The following PALLD variants were observed in gnomAD, a reference collection of about 807,000 sequenced individuals.
PALLD encodes palladin.
A neutral mutation model predicts 123.5 loss-of-function variants in PALLD; 61 were observed. The ratio of observed to expected loss-of-function variants is 0.49; its 90% confidence interval spans 0.40 to 0.61. PALLD has a LOEUF of 0.61. PALLD is among the 20% of genes least tolerant of loss of function. The pLI, the probability that PALLD is intolerant of heterozygous loss-of-function variation, is 0.00. For synonymous variants in PALLD, 465 were observed against 496.4 expected, an observed-to-expected ratio of 0.94 and a Z score of 0.84; for missense variants, 1,273 against 1,377.0, an observed-to-expected ratio of 0.92 and a Z score of 1.20.
intron 2 of PALLD, among the ~76,000 whole-genome samples, chr4:168,621,414 C>T (rs559945406): frequency 1.3e-5 from 2 of 152,300 alleles, no homozygotes; most frequent in South Asian, 4.1e-4. Flanking sequence ...AAATGAGGAT[C>T]TATGGAACTC....
intron 2 of PALLD, among the ~76,000 whole-genome samples, chr4:168,587,946 C>T (rs759967495): frequency 2.0e-5 from 3 of 152,050 alleles, no homozygotes; most frequent in Non-Finnish European, 2.9e-5. Flanking sequence ...GATGAGACTG[C>T]GAGGCGTGTC....
At chr4:168,604,981 C>T (rs1773025606) in intron 2 of PALLD, among the ~76,000 whole-genome samples, 1 of 152,166 alleles carries the variant, frequency 6.6e-6, no homozygotes, top group African/African-American at 2.4e-5. Flanking sequence ...AGGAAAAACG[C>T]CACAAAGCAA....
chr4:168,647,441 A>G (rs979877145), intron 2 of PALLD, among the ~76,000 whole-genome samples: 1 of 152,226 alleles, frequency 6.6e-6, no homozygotes, highest in Non-Finnish European at 1.5e-5. Flanking sequence ...AAATCATAAC[A>G]GTAGATCCCA....
rs1305250587 is a variant in PALLD, at chr4:168,877,900, G to A, written c.1965-13022G>A. The A allele has an allele frequency of 7.5e-6, 11 of 1,473,750 alleles. No individual in the cohort carries two copies. The highest frequency in any genetic ancestry group is 2.3e-5 in the Admixed American group (1 of 43,744). The allele number at this position is 1,473,750 out of a possible 1,614,324, so 91.3% of individuals were successfully genotyped here. ...CCGCGTCCCCGGAGCCCATGAGCGCGCTGGCCTCCCGCTCCGCCCCCGCCA... is the reference window on the plus strand; with the variant it reads ...CCGCGTCCCCGGAGCCCATGAGCGCACTGGCCTCCCGCTCCGCCCCCGCCA... On this transcript the variant is annotated intron_variant, in intron 10 of 21. Coordinates refer to ENST00000505667, the MANE Select transcript of PALLD (RefSeq NM_001166108.2).
At chr4:168,832,494 C>T (rs967442453) in intron 10 of PALLD, among the ~76,000 whole-genome samples, 2 of 152,202 alleles carry the variant, frequency 1.3e-5, no homozygotes, top group Non-Finnish European at 1.5e-5. Flanking sequence ...CTCTGAACAC[C>T]TCGCACCCCC....
intron 10 of PALLD, among the ~76,000 whole-genome samples, chr4:168,736,290 A>G (rs1224627445): frequency 1.3e-5 from 2 of 152,312 alleles, no homozygotes; most frequent in East Asian, 3.9e-4. Context: ...GTGTGCACAC[A>G]TACACACACA....
In PALLD at chr4:168,692,787, C is replaced by T. The variant is rs143343900; in HGVS notation, c.1501+1495C>T. On this transcript the variant is annotated intron_variant, in intron 8 of 21. Coordinates refer to ENST00000505667, the MANE Select transcript of PALLD (RefSeq NM_001166108.2). ...TGAAATAAGGCAGCTTTTGACATTG[C>T]GTTTTGGATTCGGAGTGAACTCCTG... is the stretch of plus-strand genomic sequence containing the variant. Among the ~76,000 whole-genome samples, 12 of 152,312 alleles carry T rather than the reference C, an allele frequency of 7.9e-5. No homozygotes were observed. The East Asian group carries it at 1.7e-3, about 22-fold the overall frequency.
intron 2 of PALLD, among the ~76,000 whole-genome samples, chr4:168,608,167 C>T (rs1773375174): frequency 6.6e-6 from 1 of 152,178 alleles, no homozygotes; most frequent in African/African-American, 2.4e-5. Context: ...CGCTGGCAAC[C>T]TATAAATATG....
intron 10 of PALLD, among the ~76,000 whole-genome samples, chr4:168,878,791 G>A (rs1316263866): frequency 6.6e-6 from 1 of 151,500 alleles, no homozygotes; most frequent in African/African-American, 2.4e-5. Context: ...CCCAGTTAAA[G>A]TACTGAGGAG....
At chr4:168,717,397 C>A (rs1785467812) in intron 10 of PALLD, among the ~76,000 whole-genome samples, 1 of 151,914 alleles carries the variant, frequency 6.6e-6, no homozygotes, top group Non-Finnish European at 1.5e-5. Context: ...GGCTGGAGAG[C>A]AATGGAGCAA....
chr4:168,840,534 G>A (rs555069947), intron 10 of PALLD, among the ~76,000 whole-genome samples: 15 of 152,264 alleles, frequency 9.9e-5, no homozygotes, highest in Middle Eastern at 3.4e-3. Context: ...ACTCAGAAGC[G>A]TGGTGGATGC....
At chr4:168,761,655 T>TTTTTTTTTG (rs1732915997) in intron 10 of PALLD, among the ~76,000 whole-genome samples, 2 of 39,664 alleles carry the variant, frequency 5.0e-5, no homozygotes, top group Non-Finnish European at 1.2e-4. Context: ...GTTTTTTTTT[T>TTTTTTTTTG]TTTTTTTTTT....
chr4:168,645,879 C>T lies in PALLD; in HGVS notation c.909-22311C>T, dbSNP rs185523050. ...CACCGTTCTCTAACCAGCTCAGGCACGGGGCTGTAATGAGGATTATTGAAG... is the reference window on the plus strand; with the variant it reads ...CACCGTTCTCTAACCAGCTCAGGCATGGGGCTGTAATGAGGATTATTGAAG... On this transcript the variant is annotated intron_variant, in intron 2 of 21. Coordinates refer to ENST00000505667, the MANE Select transcript of PALLD (RefSeq NM_001166108.2). 6.1e-4 allele frequency among the ~76,000 whole-genome samples: 93 copies of T among 152,076 alleles called. 1 individual carries two copies. Among genetic ancestry groups the T allele is most frequent in the African/African-American group, 1.7e-3 (71 of 41,466 alleles).
intron 10 of PALLD, among the ~76,000 whole-genome samples, chr4:168,737,082 A>G (rs965757062): frequency 6.6e-6 from 1 of 152,200 alleles, no homozygotes; most frequent in South Asian, 2.1e-4. Context: ...GCTATAATGT[A>G]TTACATTCTA....
intron 10 of PALLD, among the ~76,000 whole-genome samples, chr4:168,867,793 A>G (rs1233189853): frequency 6.6e-6 from 1 of 151,756 alleles, no homozygotes; most frequent in Non-Finnish European, 1.5e-5. Flanking sequence ...CAATTTCTTG[A>G]TCTCCCTGTG....
At chr4:168,751,003 T>C (rs915986941) in intron 10 of PALLD, among the ~76,000 whole-genome samples, 5 of 151,002 alleles carry the variant, frequency 3.3e-5, no homozygotes, top group Non-Finnish European at 7.4e-5. Flanking sequence ...TGTGTGTGTG[T>C]GTCTGCGTGT....
At chr4:168,769,881 G>A (rs1240766640) in intron 10 of PALLD, among the ~76,000 whole-genome samples, 1 of 152,182 alleles carries the variant, frequency 6.6e-6, no homozygotes, top group Non-Finnish European at 1.5e-5. Context: ...TACAGATTGA[G>A]AATATAAACA....
chr4:168,887,644 CTTCAGTT>C (rs1753554329), intron 10 of PALLD, among the ~76,000 whole-genome samples: 1 of 152,236 alleles, frequency 6.6e-6, no homozygotes, highest in Non-Finnish European at 1.5e-5. Flanking sequence ...AGCTGGCTGC[CTTCAGTT>C]TACCTTTAAG....
chr4:168,896,508 T>A, intron 12 of PALLD, 41 bp from the exon 13 acceptor site: 1 of 1,165,366 alleles, frequency 8.6e-7, no homozygotes, highest in Non-Finnish European at 1.2e-6. Context: ...TTCTTATTAT[T>A]TCTATTATTA....
Sources: gnomAD v4.1 joint callset for allele counts (sites outside exome capture counted in the v4.1 genomes callset) on GRCh38, gnomAD v4.1.1 for gene constraint, MANE v1.5 for transcripts, NCBI Gene and HGNC (gene_info 2026-07-23, HGNC 2026-07-21) for gene names.